SLC12A5: variants seen among roughly 807,000 people sequenced by gnomAD.
SLC12A5 encodes the protein solute carrier family 12 member 5.
Under a neutral mutation model 124.0 loss-of-function variants are expected in SLC12A5, and 18 were observed. That is an observed-to-expected ratio of 0.15 (90% CI 0.10 to 0.22). SLC12A5 has a LOEUF of 0.22. SLC12A5 is among the 10% of genes least tolerant of loss of function. The pLI, the probability that SLC12A5 is intolerant of heterozygous loss-of-function variation, is 1.00. For synonymous variants in SLC12A5, 589 were observed against 568.0 expected, an observed-to-expected ratio of 1.04 and a Z score of -0.53; for missense variants, 867 against 1,478.7, an observed-to-expected ratio of 0.59 and a Z score of 6.78.
Position 46,056,651 on chromosome 20 carries a change from C to T in SLC12A5, c.3110+87C>T, listed in dbSNP as rs1600607320. 4 of 1,415,770 alleles carry T rather than the reference C, an allele frequency of 2.8e-6. No homozygotes were observed. Among genetic ancestry groups the T allele is most frequent in the Non-Finnish European group, 3.9e-6 (4 of 1,038,106 alleles). 87.7% of individuals were successfully genotyped at this position (1,415,770 alleles called of 1,614,324 possible). On this transcript the variant is annotated intron_variant, in intron 23 of 25. Transcript: ENST00000243964. This position sits in a 1 kb window ranked among gnomAD's most constrained non-coding sequence, Gnocchi z 4.3. ...GCAGAGCAAGAGAGCAGAAGGCATC[C>T]TGGTCTGTCAGCCTGCAGACCCAGC...
At chr20:46,021,944 G>T in intron 1 of SLC12A5, 1 of 1,440,406 alleles carries the variant, frequency 6.9e-7, no homozygotes. Flanking sequence ...GGGAGGGGCC[G>T]GGGCGGACCG....
Position 46,057,078 on chromosome 20 carries a change from C to T in SLC12A5, c.3126-92C>T. 1.3e-6 allele frequency: 2 copies of T among 1,599,498 alleles called. No homozygotes were observed. The highest frequency in any genetic ancestry group is 1.7e-6 in the Non-Finnish European group (2 of 1,169,494). ...GTCCTAGGCTTGCAAGAACCAGTCCCCAGCAGCCCAGTTCGGGCTGGAAGG... is the reference window on the plus strand; with the variant it reads ...GTCCTAGGCTTGCAAGAACCAGTCCTCAGCAGCCCAGTTCGGGCTGGAAGG... On this transcript the variant is annotated intron_variant, in intron 24 of 25. Coordinates refer to ENST00000243964, the MANE Select transcript of SLC12A5 (RefSeq NM_020708.5). This position sits in a 1 kb window ranked among gnomAD's most constrained non-coding sequence, Gnocchi z 7.1.
chr20:46,054,971 G>A lies in SLC12A5; in HGVS notation c.2735G>A (p.Arg912His), dbSNP rs764216462. ...TYEKTLVMEQ[R>H]SQILKQMHLT... ...GAGAAGACGTTGGTGATGGAGCAGCGTTCCCAGATCCTCAAACAGATGCAT... is the reference window on the plus strand; with the variant it reads ...GAGAAGACGTTGGTGATGGAGCAGCATTCCCAGATCCTCAAACAGATGCAT... The change falls in exon 21 of 26, where the codon CGT (arginine) becomes CAT (histidine). Residue 912 changes from arginine (R) to histidine (H), a missense_variant. Arg to His is a conservative substitution (Grantham distance 29). Coordinates refer to ENST00000243964, the MANE Select transcript of SLC12A5 (RefSeq NM_020708.5). The A allele has an allele frequency of 2.2e-5, 35 of 1,613,982 alleles. No individual in the cohort carries two copies. The highest frequency in any genetic ancestry group is 4.5e-5 in the East Asian group (2 of 44,864).
rs957924932 is a variant in SLC12A5 at position 46,056,777 on chromosome 20, G to A, written c.3111-120G>A. 1.6e-6 allele frequency: 2 copies of A among 1,250,304 alleles called. No homozygotes were observed. The highest frequency in any genetic ancestry group is 1.2e-5 in the South Asian group (1 of 82,860). The allele number at this position is 1,250,304 out of a possible 1,614,324, so 77.5% of individuals were successfully genotyped here. On this transcript the variant is annotated intron_variant, in intron 23 of 25. Transcript: ENST00000243964. This position sits in a 1 kb window ranked among gnomAD's most constrained non-coding sequence, Gnocchi z 4.3. ...TGCAGGCAGCGGAAAGGTGAAGGGTGTGGGGGCTGGCAGAGCAGGACTCAG... is the reference window on the plus strand; with the variant it reads ...TGCAGGCAGCGGAAAGGTGAAGGGTATGGGGGCTGGCAGAGCAGGACTCAG...
rs1228862514 is a variant in SLC12A5 at position 46,034,525 on chromosome 20, G to C, written c.53-423G>C. ...ATGAAGATGAATAAAGGGCATAGGA[G>C]ATGTCAGAGGGGGTCACTTCTTCAA... On this transcript the variant is annotated intron_variant, in intron 1 of 25. Transcript: ENST00000243964. Among the ~76,000 whole-genome samples the C allele has an allele frequency of 2.0e-5, 3 of 152,332 alleles. No homozygotes were observed. The East Asian group carries it at 5.8e-4, about 29-fold the overall frequency.
intron 21 of SLC12A5, chr20:46,055,823 C>T (rs2084685024): frequency 3.3e-6 from 1 of 306,454 alleles, no homozygotes; most frequent in Non-Finnish European, 6.2e-6. Flanking sequence ...GAGTGTTATC[C>T]AAGGGAGGTA....
At chr20:46,029,118 A>G (rs1435962105), upstream of SLC12A5, 5 of 1,340,956 alleles carry the variant, frequency 3.7e-6, no homozygotes, top group Admixed American at 3.7e-5. Context: ...CGCCTCCTGC[A>G]TACGGGATGA....
intron 11 of SLC12A5, chr20:46,044,719 G>A: frequency 5.7e-6 from 3 of 525,576 alleles, no homozygotes; most frequent in Non-Finnish European, 6.8e-6. Context: ...GGAATGCAGT[G>A]GGGGACGTGG....
chr20:46,045,412 T>C lies in SLC12A5; in HGVS notation c.1569+272T>C, dbSNP rs2084586220. Among the ~76,000 whole-genome samples the C allele has an allele frequency of 1.3e-5, 2 of 152,182 alleles. No individual in the cohort carries two copies. Among genetic ancestry groups the C allele is most frequent in the African/African-American group, 4.8e-5 (2 of 41,440 alleles). On this transcript the variant is annotated intron_variant, in intron 12 of 25. Coordinates refer to ENST00000243964, the MANE Select transcript of SLC12A5 (RefSeq NM_020708.5). The surrounding 1 kb of genome is among the most constrained non-coding windows in gnomAD (Gnocchi z 4.9). The stretch of plus-strand genomic sequence containing the variant: ...AGGATAAGTGTGTCTTACTTGGGAT[T>C]TGGCCCATGGTCAGTGCATCCCTTG...
intron 1 of SLC12A5, among the ~76,000 whole-genome samples, chr20:46,034,098 C>G (rs2084476583): frequency 2.0e-5 from 3 of 152,182 alleles, no homozygotes; most frequent in African/African-American, 7.2e-5. Flanking sequence ...GCCCCTTCCA[C>G]AGACTCCAGC....
intron 14 of SLC12A5, among the ~76,000 whole-genome samples, chr20:46,046,680 A>G (rs528694796): frequency 3.3e-4 from 51 of 152,344 alleles, no homozygotes; most frequent in Admixed American, 2.1e-3. Flanking sequence ...CCTGTCCGTG[A>G]TGCCCAATAG....
intron 15 of SLC12A5, 21 bp downstream of exon 15, chr20:46,047,594 T>C (rs370513049): frequency 6.2e-7 from 1 of 1,604,550 alleles, no homozygotes; most frequent in African/African-American, 1.4e-5. Context: ...GGAGTGGAGG[T>C]TGGGGTGGCT....
chr20:46,038,540 C>G lies in SLC12A5; in HGVS notation c.612+1155C>G, dbSNP rs148601503. On this transcript the variant is annotated intron_variant, in intron 6 of 25. Coordinates refer to ENST00000243964, the MANE Select transcript of SLC12A5 (RefSeq NM_020708.5). ...AAAGCAAGGCTCAGAGTTTAAGGAA[C>G]GAATGGAAGGAATATGAACCTTGGT... 3.8e-3 allele frequency among the ~76,000 whole-genome samples: 571 copies of G among 152,244 alleles called. 1 individual carries two copies. Among genetic ancestry groups the G allele is most frequent in the African/African-American group, 0.013 (555 of 41,550 alleles).
chr20:46,029,936 G>GTT (rs1390825131), intron 1 of SLC12A5, among the ~76,000 whole-genome samples: 2 of 149,040 alleles, frequency 1.3e-5, no homozygotes, highest in Non-Finnish European at 2.9e-5. Context: ...GTGTGTGTGT[G>GTT]TGTGTAGGGG....
At chr20:46,040,958 TC>T (rs1878426796) in intron 7 of SLC12A5, 3 of 406,188 alleles carry the variant, frequency 7.4e-6, no homozygotes, top group Non-Finnish European at 1.4e-5. Context: ...TGGGACAATC[TC>T]CTAGTGTTGG....
chr20:46,030,334 G>A (rs2084437717), intron 1 of SLC12A5, among the ~76,000 whole-genome samples: 1 of 152,218 alleles, frequency 6.6e-6, no homozygotes, highest in African/African-American at 2.4e-5. Flanking sequence ...ACGCGCTGCG[G>A]TGGGTGCGGA....
chr20:46,027,115 CTG>C (rs1431161805), upstream of SLC12A5, among the ~76,000 whole-genome samples: 10 of 152,278 alleles, frequency 6.6e-5, no homozygotes, highest in South Asian at 2.1e-4. Context: ...GCTGCTAGTG[CTG>C]TGTGTGTGTA....
chr20:46,032,291 C>T (rs930246125), intron 1 of SLC12A5, among the ~76,000 whole-genome samples: 2 of 152,230 alleles, frequency 1.3e-5, no homozygotes, highest in Non-Finnish European at 2.9e-5. Flanking sequence ...CGCCACCCGC[C>T]CCCGCGAAGG....
In SLC12A5 at chr20:46,057,637, G is replaced by GC; in HGVS notation, c.*35dup. Reference sequence around the variant, plus strand: ...GGACCTGCCACCCGGGCCCGAGCGCGCCCGGCCCGCGGCTCCGGAGCCCTC... The same window carrying GC: ...GGACCTGCCACCCGGGCCCGAGCGCGCCCCGGCCCGCGGCTCCGGAGCCCTC... On this transcript the variant is annotated 3_prime_UTR_variant, in exon 26 of 26. Transcript: ENST00000243964. This position sits in a 1 kb window ranked among gnomAD's most constrained non-coding sequence, Gnocchi z 7.1. The GC allele has an allele frequency of 6.4e-7, 1 of 1,567,108 alleles. No individual in the cohort carries two copies. The highest frequency in any genetic ancestry group is 8.7e-7 in the Non-Finnish European group (1 of 1,147,198).
Sources: allele counts gnomAD v4.1 joint callset (sites outside exome capture counted in the v4.1 genomes callset), GRCh38; gene constraint gnomAD v4.1.1; non-coding constraint Gnocchi (gnomAD v3.1); transcripts MANE v1.5; gene names NCBI Gene and HGNC (gene_info 2026-07-23, HGNC 2026-07-21).